The following USP46 variants were observed in gnomAD, a reference collection of about 807,000 sequenced individuals.
The protein encoded by USP46 is ubiquitin specific peptidase 46, also known as ubiquitin carboxyl-terminal hydrolase 46.
In USP46, 12 loss-of-function variants were observed where a neutral mutation model predicts 44.4. That is an observed-to-expected ratio of 0.27 (90% CI 0.17 to 0.44). The LOEUF (loss-of-function observed/expected upper bound fraction) is 0.44, where lower values mean the gene tolerates loss of function less well. Ranked by LOEUF, USP46 falls within the 20% of genes least tolerant of loss-of-function variation. USP46 has a pLI of 1.00. For missense variants in USP46, 248 were observed against 444.8 expected (o/e 0.56, Z 3.98); for synonymous variants, 155 against 161.5 (o/e 0.96, Z 0.31).
chr4:52,641,900 A>C (rs1450374975), intron 1 of USP46, among the ~76,000 whole-genome samples: 2 of 152,238 alleles, frequency 1.3e-5, no homozygotes, highest in Non-Finnish European at 2.9e-5. Flanking sequence ...TTAATTATAG[A>C]CCATAAATTA....
At chr4:52,641,223 G>A (rs946885091) in intron 1 of USP46, among the ~76,000 whole-genome samples, 1 of 152,214 alleles carries the variant, frequency 6.6e-6, no homozygotes. Context: ...ACCGATCTTG[G>A]GGGGTAAATC....
intron 1 of USP46, among the ~76,000 whole-genome samples, chr4:52,655,937 C>CT (rs1431398529): frequency 6.6e-6 from 1 of 152,130 alleles, no homozygotes; most frequent in Admixed American, 6.5e-5. Flanking sequence ...AAAACTGGCA[C>CT]AAGAAGTATG....
intron 2 of USP46, among the ~76,000 whole-genome samples, chr4:52,628,711 C>T (rs1038050256): frequency 2.0e-5 from 3 of 152,226 alleles, no homozygotes; most frequent in African/African-American, 7.2e-5. Flanking sequence ...ACCACATTTC[C>T]TCACTTAACC....
At chr4:52,621,955 G>A (rs1717389628) in intron 4 of USP46, among the ~76,000 whole-genome samples, 1 of 152,110 alleles carries the variant, frequency 6.6e-6, no homozygotes, top group African/African-American at 2.4e-5. Context: ...ACAAGAAATG[G>A]CCAATTCTCA....
chr4:52,602,798 G>C (rs1055212007), intron 6 of USP46, among the ~76,000 whole-genome samples: 1 of 152,160 alleles, frequency 6.6e-6, no homozygotes, highest in Non-Finnish European at 1.5e-5. Context: ...AAATCCTGCA[G>C]TAAAGGAATT....
intron 5 of USP46, among the ~76,000 whole-genome samples, chr4:52,605,403 A>G (rs1716649096): frequency 6.6e-6 from 1 of 152,208 alleles, no homozygotes; most frequent in South Asian, 2.1e-4. Context: ...GTACTGCTTC[A>G]AAGGCTGAAA....
chr4:52,658,990 A>C, intron 1 of USP46, 125 bp downstream of exon 1: 26 of 1,176,402 alleles, frequency 2.2e-5, no homozygotes, highest in Middle Eastern at 2.6e-4. Flanking sequence ...GGGGCCGGGA[A>C]CTTCTGGCGG....
At position 52,653,495 on chromosome 4, in the gene USP46, CAAAAAAAAAAAA is replaced by C. The variant is rs397880678; in HGVS notation, c.36+5608_36+5619del. 7.5e-5 allele frequency among the ~76,000 whole-genome samples: 4 copies of C among 53,016 alleles called. No individual in the cohort carries two copies. The South Asian group carries it at 2.2e-3, about 30-fold the overall frequency. The allele number at this position is 53,016 out of a possible 152,430, so 34.8% of individuals were successfully genotyped here. On this transcript the variant is annotated intron_variant, in intron 1 of 8. Transcript: ENST00000441222. ...GGGCAACAAGAACAAAACTCTATCT[CAAAAAAAAAAAA>C]AAAAAAAAAAAAGATTTTGCTGATT...
chr4:52,632,964 G>GAA, intron 1 of USP46, among the ~76,000 whole-genome samples: 1 of 74,690 alleles, frequency 1.3e-5, no homozygotes, highest in Admixed American at 1.4e-4. Flanking sequence ...AAGAAAGAAA[G>GAA]AAAGAAAGAA....
chr4:52,628,856 A>G (rs1717701241), intron 2 of USP46, among the ~76,000 whole-genome samples: 1 of 152,170 alleles, frequency 6.6e-6, no homozygotes, highest in African/African-American at 2.4e-5. Context: ...ATACTACCCA[A>G]GTTCCTAGCC....
At chr4:52,618,572 C>CTAAA (rs1420284312) in intron 4 of USP46, among the ~76,000 whole-genome samples, 13 of 152,074 alleles carry the variant, frequency 8.5e-5, no homozygotes, top group African/African-American at 2.7e-4. Flanking sequence ...GACCCTAACT[C>CTAAA]TAAATAAATA....
chr4:52,632,382 G>A (rs1008185170), intron 1 of USP46, among the ~76,000 whole-genome samples: 7 of 152,158 alleles, frequency 4.6e-5, no homozygotes, highest in African/African-American at 1.7e-4. Flanking sequence ...AGTAGTTTGG[G>A]AAGCAAGTAA....
intron 4 of USP46, among the ~76,000 whole-genome samples, chr4:52,613,152 G>A (rs1265381423): frequency 1.3e-5 from 2 of 152,142 alleles, no homozygotes; most frequent in African/African-American, 2.4e-5. Flanking sequence ...GGGGTGCTGA[G>A]GGGGAAATGC....
chr4:52,605,321 G>A (rs757030762), intron 5 of USP46, among the ~76,000 whole-genome samples: 17 of 152,122 alleles, frequency 1.1e-4, no homozygotes, highest in South Asian at 2.1e-4. Flanking sequence ...TGCTACTTAC[G>A]GTTTTTATTT....
At chr4:52,632,989 G>GAAAGAAAAGAAA (rs1717954136) in intron 1 of USP46, among the ~76,000 whole-genome samples, 86 of 31,940 alleles carry the variant, frequency 2.7e-3, no homozygotes, top group Middle Eastern at 0.017. Flanking sequence ...AGAAAGAAAA[G>GAAAGAAAAGAAA]AAAAGAAAGA....
intron 5 of USP46, among the ~76,000 whole-genome samples, chr4:52,609,894 ATTTCTT>A (rs1716862848): frequency 1.4e-4 from 3 of 20,692 alleles, no homozygotes; most frequent in Admixed American, 5.1e-4. Flanking sequence ...CCTCAATTCT[ATTTCTT>A]TTTTTTTTTT....
chr4:52,631,458 G>A (rs1030645309), intron 1 of USP46, among the ~76,000 whole-genome samples: 7 of 152,134 alleles, frequency 4.6e-5, no homozygotes, highest in African/African-American at 1.7e-4. Flanking sequence ...TAAAACACGG[G>A]CATTTCAAAC....
chr4:52,610,443 A>C, intron 5 of USP46, 98 bp downstream of exon 5: 1 of 1,063,104 alleles, frequency 9.4e-7, no homozygotes, highest in East Asian at 2.5e-5. Flanking sequence ...TATTGGTTTA[A>C]CAGAAGGGAA....
At position 52,602,030 on chromosome 4, in the gene USP46, C is replaced by G. The variant is rs1345991047; in HGVS notation, c.747G>C (p.Met249Ile). ...QKRMRVKKLP[M>I]ILALHLKRFK... ...ACCGCTTTAGGTGCAGGGCCAAGAT[C>G]ATGGGCAGCTTTTTTACCCTCATCC... The change falls in exon 7 of 9, where the codon ATG (methionine) becomes ATC (isoleucine). Residue 249 changes from methionine (M) to isoleucine (I), a missense_variant. This residue lies in a region of USP46 where 98 missense variants were observed against 218.2 expected (regional missense o/e 0.45). Coordinates refer to ENST00000441222, the MANE Select transcript of USP46 (RefSeq NM_022832.4). 6.2e-7 allele frequency: 1 copy of G among 1,613,106 alleles called. No individual in the cohort carries two copies. The highest frequency in any genetic ancestry group is 2.2e-5 in the East Asian group (1 of 44,860).
Sources: allele counts gnomAD v4.1 joint callset (sites outside exome capture counted in the v4.1 genomes callset), GRCh38; gene constraint gnomAD v4.1.1; regional missense constraint gnomAD v4.1.1; transcripts MANE v1.5; gene names NCBI Gene and HGNC (gene_info 2026-07-23, HGNC 2026-07-21).